Variants in HIGD2B observed in about 807,000 individuals in gnomAD.
The protein encoded by HIGD2B is HIG1 domain family member 2B.
For missense variants in HIGD2B, 106 were observed against 67.0 expected, an observed-to-expected ratio of 1.58 and a Z score of -2.03; for synonymous variants, 45 against 28.1, an observed-to-expected ratio of 1.60 and a Z score of -1.90.
At chr15:72,677,565 C>A (rs2064705589) in intron 2 of HIGD2B, among the ~76,000 whole-genome samples, 1 of 152,022 alleles carries the variant, frequency 6.6e-6, no homozygotes, top group Non-Finnish European at 1.5e-5. Context: ...AGTTCAAGAC[C>A]AGCCTGGGCA....
chr15:72,685,727 T>C (rs779437674), intron 1 of HIGD2B, 91 bp downstream of exon 1: 3 of 192,118 alleles, frequency 1.6e-5, no homozygotes, highest in African/African-American at 2.3e-5. Context: ...CAGGAGCATG[T>C]TTGCAAACTC....
At chr15:72,683,370 T>C (rs1375972933) in intron 1 of HIGD2B, among the ~76,000 whole-genome samples, 1 of 151,068 alleles carries the variant, frequency 6.6e-6, no homozygotes, top group African/African-American at 2.4e-5. Flanking sequence ...AAAAAGAATA[T>C]GTGTTAAAAG....
intron 1 of HIGD2B, chr15:72,682,399 T>C (rs868417410): frequency 1.3e-4 from 28 of 218,188 alleles, no homozygotes; most frequent in Non-Finnish European, 2.2e-4. Context: ...GACATTATTA[T>C]ACCTTATTAA....
chr15:72,680,318 A>C (rs1391230047), intron 1 of HIGD2B, 125 bp from the exon 2 acceptor site: 2 of 152,398 alleles, frequency 1.3e-5, no homozygotes, highest in Non-Finnish European at 1.5e-5. Flanking sequence ...TTCTTATCTC[A>C]ACAGATATCC....
chr15:72,682,155 T>C (rs945178238), intron 1 of HIGD2B: 4 of 152,242 alleles, frequency 2.6e-5, no homozygotes, highest in African/African-American at 9.6e-5. Context: ...ATTTCAGAAA[T>C]AGAACTGATC....
At chr15:72,678,733 C>T (rs572492414) in intron 2 of HIGD2B, among the ~76,000 whole-genome samples, 4 of 152,162 alleles carry the variant, frequency 2.6e-5, no homozygotes, top group African/African-American at 4.8e-5. Context: ...TGCAGTGGTT[C>T]GCGCCTGTAA....
At chr15:72,683,553 C>A (rs906337287) in intron 1 of HIGD2B, among the ~76,000 whole-genome samples, 4 of 151,532 alleles carry the variant, frequency 2.6e-5, no homozygotes, top group African/African-American at 7.3e-5. Context: ...TGAAACTAAG[C>A]GCTGTGGGTT....
Position 72,681,414 on chromosome 15 carries a change from A to T in HIGD2B, c.-192-1221T>A, listed in dbSNP as rs1261865647. On this transcript the variant is annotated intron_variant, in intron 1 of 2. Coordinates refer to ENST00000311755, the MANE Select transcript of HIGD2B (RefSeq NM_001350932.3). Reference sequence around the variant, plus strand: ...AGTGAGTATTAGATCCCACAAGACAACCGCACAGCTAAACATAATTAAAAC... The same window carrying T: ...AGTGAGTATTAGATCCCACAAGACATCCGCACAGCTAAACATAATTAAAAC... Among the ~76,000 whole-genome samples, 5 of 152,262 alleles carry T rather than the reference A, an allele frequency of 3.3e-5. No homozygotes were observed. The South Asian group carries it at 8.3e-4, about 25-fold the overall frequency.
At chr15:72,677,778 A>AT (rs1306023669) in intron 2 of HIGD2B, among the ~76,000 whole-genome samples, 1 of 151,790 alleles carries the variant, frequency 6.6e-6, no homozygotes, top group African/African-American at 2.4e-5. Flanking sequence ...ATTAAAAAAA[A>AT]ATAAAATAAT....
At chr15:72,679,535 T>C (rs963074449) in intron 2 of HIGD2B, among the ~76,000 whole-genome samples, 4 of 151,980 alleles carry the variant, frequency 2.6e-5, no homozygotes, top group African/African-American at 9.7e-5. Flanking sequence ...AGAATGAAAA[T>C]CTCAAGAGGT....
intron 1 of HIGD2B, 82 bp downstream of exon 1, chr15:72,685,734 ACT>A (rs2150982590): frequency 5.1e-6 from 1 of 194,574 alleles, no homozygotes; most frequent in South Asian, 9.2e-5. Context: ...ATGTTTGCAA[ACT>A]CTGGAGTAAA....
At chr15:72,680,605 G>A (rs1473992589) in intron 1 of HIGD2B, among the ~76,000 whole-genome samples, 2 of 152,200 alleles carry the variant, frequency 1.3e-5, no homozygotes, top group Non-Finnish European at 2.9e-5. Flanking sequence ...AAAGATGAAG[G>A]GCTGGGTGCG....
chr15:72,684,131 C>T (rs1044733733), intron 1 of HIGD2B, among the ~76,000 whole-genome samples: 1 of 151,958 alleles, frequency 6.6e-6, no homozygotes, highest in Non-Finnish European at 1.5e-5. Flanking sequence ...GGACAAAATG[C>T]ACAAACAAAG....
intron 1 of HIGD2B, among the ~76,000 whole-genome samples, chr15:72,681,732 G>A (rs1425381350): frequency 2.7e-5 from 4 of 150,544 alleles, no homozygotes; most frequent in Non-Finnish European, 4.4e-5. Context: ...TCAGCCTCCC[G>A]AGTAGCTGGG....
chr15:72,682,055 TA>T (rs1426693046), intron 1 of HIGD2B, among the ~76,000 whole-genome samples: 4 of 152,228 alleles, frequency 2.6e-5, no homozygotes, highest in Admixed American at 2.0e-4. Context: ...TTTCCAGTTT[TA>T]AAGTATTATT....
intron 1 of HIGD2B, among the ~76,000 whole-genome samples, chr15:72,685,182 C>T (rs2064803112): frequency 6.6e-6 from 1 of 152,134 alleles, no homozygotes; most frequent in Admixed American, 6.5e-5. Context: ...CTTGTTTCTT[C>T]TATGTAACTC....
chr15:72,676,136 T>C lies in HIGD2B; in HGVS notation c.239A>G (p.His80Arg). 1.3e-6 allele frequency: 1 copy of C among 765,402 alleles called. No individual in the cohort carries two copies. Among genetic ancestry groups the C allele is most frequent in the Non-Finnish European group, 2.4e-6 (1 of 416,828 alleles). 47.4% of individuals were successfully genotyped at this position (765,402 alleles called of 1,614,324 possible). A position where few individuals can be genotyped will look rare whatever the true frequency, so the allele number is the denominator to read the frequency against. ...GNSQCSRLMMHTQIAAQGFTI... is the reference protein window; with the variant it reads ...GNSQCSRLMMRTQIAAQGFTI... ...GAAGCCCTGGGCGGCGATCTGGGTGTGCATCATAAGCCGTGAACATTGGCT... is the reference window on the plus strand; with the variant it reads ...GAAGCCCTGGGCGGCGATCTGGGTGCGCATCATAAGCCGTGAACATTGGCT... The change falls in exon 3 of 3, where the codon CAC (histidine) becomes CGC (arginine). Residue 80 changes from histidine to arginine, a missense_variant. By Grantham distance (29) the His-to-Arg change is conservative. Coordinates refer to ENST00000311755, the MANE Select transcript of HIGD2B (RefSeq NM_001350932.3).
In HIGD2B at chr15:72,676,326, T is replaced by A. The variant is rs775043948; in HGVS notation, c.49A>T (p.Lys17Ter). 2 of 761,558 alleles carry A rather than the reference T, an allele frequency of 2.6e-6. No individual in the cohort carries two copies. Among genetic ancestry groups the A allele is most frequent in the East Asian group, 4.9e-5 (2 of 41,140 alleles). 47.2% of individuals were successfully genotyped at this position (761,558 alleles called of 1,614,324 possible). The change falls in exon 3 of 3, where the codon AAG (lysine) becomes TAG (stop). Residue 17 changes from lysine to a stop codon, truncating the protein, a stop_gained. Transcript: ENST00000311755. LOFTEE classifies it high-confidence loss of function. ...VTPEAPFESS[K>*]PPIFEGLSPT... is the part of the protein sequence containing the mutation. Reference sequence around the variant, plus strand: ...CTAAGCCCCTCAAAGATGGGGGGCTTCGATGATTCAAAGGGGGCCTCCGGA... The same window carrying A: ...CTAAGCCCCTCAAAGATGGGGGGCTACGATGATTCAAAGGGGGCCTCCGGA...
intron 2 of HIGD2B, among the ~76,000 whole-genome samples, chr15:72,677,583 G>C (rs1567383805): frequency 6.6e-6 from 1 of 151,770 alleles, no homozygotes; most frequent in Admixed American, 6.6e-5. Context: ...GCAATATAGC[G>C]AGATTCTGTA....
Sources: gnomAD v4.1 joint callset for allele counts (sites outside exome capture counted in the v4.1 genomes callset) on GRCh38, gnomAD v4.1.1 for gene constraint, MANE v1.5 for transcripts, NCBI Gene and HGNC (gene_info 2026-07-23, HGNC 2026-07-21) for gene names.